The following RP1 variants were observed in gnomAD, a reference collection of about 807,000 sequenced individuals.
RP1 encodes the protein oxygen-regulated protein 1.
A neutral mutation model predicts 14.8 loss-of-function variants in RP1; 16 were observed. The observed-to-expected ratio is 1.08, with a 90% CI of 0.73 to 1.65. The LOEUF is 1.65. Among genes scored for constraint, RP1 ranks in the 40% most tolerant of loss-of-function variants. RP1 has a pLI of 0.00. For synonymous variants in RP1, 876 were observed against 883.6 expected, an observed-to-expected ratio of 0.99 and a Z score of 0.15; for missense variants, 2,631 against 2,535.0, an observed-to-expected ratio of 1.04 and a Z score of -0.81.
chr8:54,740,348 G>T (rs1689426882), intron 19 of RP1, among the ~76,000 whole-genome samples: 1 of 145,026 alleles, frequency 6.9e-6, no homozygotes, highest in South Asian at 2.2e-4. Flanking sequence ...CATTGTGCAG[G>T]CCTAGGCGAA....
rs536641672 is a variant in RP1 at position 54,714,476 on chromosome 8, A to G, written c.2212-5653A>G. ...GCATTCTGATGGACCAGCTGGTGCC[A>G]CCCACACTAGTAAACTGGCTCAACT... is the stretch of plus-strand genomic sequence containing the variant. On this transcript the variant is annotated intron_variant, in intron 15 of 22. Coordinates refer to the RP1 transcript ENST00000636932. 1.3e-4 allele frequency among the ~76,000 whole-genome samples: 20 copies of G among 152,226 alleles called. No homozygotes were observed. In the South Asian group the frequency reaches 3.3e-3, roughly 25 times the overall value.
intron 24 of RP1, among the ~76,000 whole-genome samples, chr8:54,798,830 A>C (rs538272579): frequency 4.7e-4 from 71 of 152,144 alleles, no homozygotes; most frequent in Non-Finnish European, 9.1e-4. Flanking sequence ...ATACTTGTAC[A>C]TCTATATTAG....
intron 18 of RP1, among the ~76,000 whole-genome samples, chr8:54,737,283 C>A (rs1275028289): frequency 2.0e-5 from 3 of 152,138 alleles, no homozygotes; most frequent in African/African-American, 7.2e-5. Flanking sequence ...AAGTCTTTCC[C>A]CCCTGGCTGG....
chr8:54,758,950 C>G lies in RP1; in HGVS notation c.3122C>G (p.Ser1041Trp), dbSNP rs545545517. The G allele has an allele frequency of 5.2e-4, 798 of 1,535,708 alleles. 13 individuals carry two copies. The South Asian group carries it at 8.4e-3, about 16-fold the overall frequency. ...GATAAATTTCAAGTAGCAGCAGTGT[C>G]GCTTGGAAAACTGCAGAAGGTGCTG... Residue 1041 changes from serine (S) to tryptophan (W), a missense_variant, in exon 22 of 23, where the codon TCG becomes TGG. Ser to Trp is a radical substitution (Grantham distance 177, BLOSUM62 -3). Transcript: ENST00000636932.
At chr8:54,705,692 T>G (rs1808134196) in intron 14 of RP1, among the ~76,000 whole-genome samples, 1 of 152,184 alleles carries the variant, frequency 6.6e-6, no homozygotes, top group Non-Finnish European at 1.5e-5. Context: ...AAAGTTAAAT[T>G]CTTAGTACCC....
chr8:54,611,097 T>C (rs1043442432), upstream of RP1, among the ~76,000 whole-genome samples: 32 of 152,342 alleles, frequency 2.1e-4, no homozygotes, highest in African/African-American at 7.5e-4. Context: ...AATGAGAAAC[T>C]GGTGAATAAT....
intron 19 of RP1, among the ~76,000 whole-genome samples, chr8:54,745,921 G>A (rs1269478679): frequency 6.6e-6 from 1 of 152,072 alleles, no homozygotes; most frequent in Non-Finnish European, 1.5e-5. Flanking sequence ...GGTCTTTTTA[G>A]TATTGATAGA....
intron 12 of RP1, among the ~76,000 whole-genome samples, chr8:54,684,605 G>A (rs990615844): frequency 2.0e-5 from 3 of 152,142 alleles, no homozygotes; most frequent in East Asian, 1.9e-4. Context: ...ACATAGAGGT[G>A]TTTATAGTAT....
At chr8:54,678,037 A>G (rs997617422) in intron 8 of RP1, among the ~76,000 whole-genome samples, 1 of 152,202 alleles carries the variant, frequency 6.6e-6, no homozygotes, top group Non-Finnish European at 1.5e-5. Context: ...CTATCAAAAC[A>G]TATATATTTT....
At chr8:54,768,636 G>A (rs1005506244) in intron 22 of RP1, among the ~76,000 whole-genome samples, 2 of 152,130 alleles carry the variant, frequency 1.3e-5, no homozygotes, top group Admixed American at 6.5e-5. Context: ...GCTTGTACAC[G>A]ACTTTTCATT....
chr8:54,679,481 A>C, exon 10 of RP1: 1 of 1,536,010 alleles, frequency 6.5e-7, no homozygotes, highest in Non-Finnish European at 8.7e-7. Flanking sequence ...CAGGGATAAC[A>C]GTATCTTCTC....
chr8:54,810,324 A>G (rs956310480), intron 24 of RP1, among the ~76,000 whole-genome samples: 1 of 152,240 alleles, frequency 6.6e-6, no homozygotes, highest in Non-Finnish European at 1.5e-5. Flanking sequence ...CTGAACATTC[A>G]TAATACTTAA....
At position 54,628,032 on chromosome 8, in the gene RP1, T is replaced by C. The variant is rs1290382080; in HGVS notation, c.4150T>C (p.Phe1384Leu). 1.9e-6 allele frequency: 3 copies of C among 1,614,028 alleles called. No individual in the cohort carries two copies. The highest frequency in any genetic ancestry group is 2.2e-5 in the South Asian group (2 of 91,076). ...GACAGACCCTGAATATAAAAATGGA[T>C]TTAATACATTGGTGTCACATCAAAA... Reference protein sequence around the residue: ...ILTDPEYKNGFNTLVSHQNVS... With the variant: ...ILTDPEYKNGLNTLVSHQNVS... The change falls in exon 4 of 4, where the codon TTT becomes CTT. Residue 1384 changes from phenylalanine to leucine, a missense_variant. Transcript: ENST00000220676.
At chr8:54,622,528 C>CT (rs1248166987) in intron 3 of RP1, among the ~76,000 whole-genome samples, 3 of 152,062 alleles carry the variant, frequency 2.0e-5, no homozygotes, top group Non-Finnish European at 4.4e-5. Context: ...ATGATGTGTG[C>CT]TTTTTTGCAT....
At chr8:54,740,302 T>TGTGGAG (rs1327141735) in intron 19 of RP1, among the ~76,000 whole-genome samples, 2 of 147,916 alleles carry the variant, frequency 1.4e-5, no homozygotes, top group Non-Finnish European at 3.0e-5. Context: ...TGGGTCAAGA[T>TGTGGAG]GTGGAGGTGT....
intron 1 of RP1, among the ~76,000 whole-genome samples, chr8:54,575,180 G>A (rs893162982): frequency 3.9e-5 from 6 of 152,146 alleles, no homozygotes; most frequent in African/African-American, 1.2e-4. Context: ...CAGGGTTTCT[G>A]TAGATACAAA....
At chr8:54,692,954 T>A (rs539692096) in intron 12 of RP1, among the ~76,000 whole-genome samples, 495 of 152,320 alleles carry the variant, frequency 3.2e-3, no homozygotes, top group African/African-American at 0.011. Context: ...GTTTTAGGTC[T>A]AACATTTACG....
At position 54,626,389 on chromosome 8, in the gene RP1, C is replaced by T. The variant is rs755745244; in HGVS notation, c.2507C>T (p.Pro836Leu). 1.9e-5 allele frequency: 30 copies of T among 1,612,846 alleles called. No homozygotes were observed. The highest frequency in any genetic ancestry group is 4.4e-5 in the South Asian group (4 of 91,052). ...LEQKPKDFYA[P>L]QSQAEVASGY... ...CAAAAACCCAAAGATTTTTATGCAC[C>T]GCAATCTCAAGCAGAAGTGGCATCT... is the stretch of plus-strand genomic sequence containing the variant. Residue 836 changes from proline to leucine, a missense_variant, in exon 4 of 4, where the codon CCG becomes CTG. Transcript: ENST00000220676.
chr8:54,755,859 T>C (rs1366136866), intron 21 of RP1: 1 of 1,218,566 alleles, frequency 8.2e-7, no homozygotes, highest in African/African-American at 1.5e-5. Context: ...CGTTTGGCAC[T>C]CTTCAAATTG....
Sources: allele counts gnomAD v4.1 joint callset (sites outside exome capture counted in the v4.1 genomes callset), GRCh38; gene constraint gnomAD v4.1.1; transcripts MANE v1.5; gene names NCBI Gene and HGNC (gene_info 2026-07-23, HGNC 2026-07-21).